The following MED27 variants were observed in gnomAD, a reference collection of about 807,000 sequenced individuals.
MED27 encodes the protein mediator complex subunit 27.
In MED27, 30 loss-of-function variants were observed where a neutral mutation model predicts 38.2. The observed-to-expected ratio is 0.79, with a 90% confidence interval of 0.59 to 1.07. The LOEUF is 1.07. MED27 is among the 50% of genes least tolerant of loss of function. The probability of loss-of-function intolerance (pLI) is 0.00; values close to 1 mark genes in which losing one functional copy is unlikely to be tolerated. For synonymous variants in MED27, 122 were observed against 153.5 expected (o/e 0.79, Z 1.52); for missense variants, 289 against 397.5 (o/e 0.73, Z 2.32).
At chr9:131,894,301 T>C (rs1829790787) in intron 4 of MED27, among the ~76,000 whole-genome samples, 2 of 152,248 alleles carry the variant, frequency 1.3e-5, no homozygotes, top group African/African-American at 4.8e-5. Context: ...CCCTTTCCCA[T>C]TTTAAGATTT....
intron 2 of MED27, among the ~76,000 whole-genome samples, chr9:132,053,728 C>T (rs1349853695): frequency 6.6e-6 from 1 of 152,130 alleles, no homozygotes; most frequent in Non-Finnish European, 1.5e-5. Flanking sequence ...CTCTGCTTCT[C>T]CTACTTTTCT....
intron 4 of MED27, among the ~76,000 whole-genome samples, chr9:131,929,272 A>G (rs942037816): frequency 2.6e-5 from 4 of 152,334 alleles, no homozygotes; most frequent in African/African-American, 9.6e-5. Flanking sequence ...GCTGGCTTCA[A>G]GTGAGATCCA....
chr9:131,887,042 C>T (rs1169248188), intron 5 of MED27, among the ~76,000 whole-genome samples: 1 of 152,162 alleles, frequency 6.6e-6, no homozygotes, highest in Non-Finnish European at 1.5e-5. Context: ...TCACTGTTTA[C>T]CCTTCCTGCC....
intron 3 of MED27, among the ~76,000 whole-genome samples, chr9:131,981,555 A>G (rs1203061573): frequency 6.6e-6 from 1 of 152,226 alleles, no homozygotes; most frequent in African/African-American, 2.4e-5. Context: ...TTCCCAGGAG[A>G]AGGGACTGCT....
intron 3 of MED27, among the ~76,000 whole-genome samples, chr9:131,989,485 T>A (rs577896672): frequency 6.6e-6 from 1 of 152,334 alleles, no homozygotes; most frequent in Non-Finnish European, 1.5e-5. Context: ...TTTTTAATTG[T>A]GGTAAAATAT....
At chr9:131,991,432 A>C (rs1831970289) in intron 3 of MED27, among the ~76,000 whole-genome samples, 1 of 152,226 alleles carries the variant, frequency 6.6e-6, no homozygotes, top group Non-Finnish European at 1.5e-5. Flanking sequence ...TTTAGCAATT[A>C]TCCCTGCCCA....
At chr9:132,078,205 A>T (rs1834097499) in intron 1 of MED27, among the ~76,000 whole-genome samples, 4 of 152,326 alleles carry the variant, frequency 2.6e-5, no homozygotes, top group Admixed American at 2.0e-4. Context: ...AGCACATTCC[A>T]GGAGTACGTT....
intron 2 of MED27, among the ~76,000 whole-genome samples, chr9:132,075,250 GT>G (rs1834019377): frequency 6.6e-6 from 1 of 152,174 alleles, no homozygotes; most frequent in African/African-American, 2.4e-5. Flanking sequence ...CCAAATTCTG[GT>G]CTAGCTTGGG....
intron 6 of MED27, among the ~76,000 whole-genome samples, chr9:131,864,308 C>A (rs1838699757): frequency 6.6e-6 from 1 of 151,984 alleles, no homozygotes; most frequent in Non-Finnish European, 1.5e-5. Flanking sequence ...AGAGCAAGAC[C>A]CCGCCTCTAT....
intron 5 of MED27, among the ~76,000 whole-genome samples, chr9:131,884,939 T>A (rs544120759): frequency 5.9e-5 from 9 of 152,356 alleles, no homozygotes; most frequent in African/African-American, 2.2e-4. Context: ...AAAGTTTTCA[T>A]AATATTTAAA....
chr9:131,876,222 T>G (rs1201418073), intron 6 of MED27, among the ~76,000 whole-genome samples: 1 of 152,206 alleles, frequency 6.6e-6, no homozygotes, highest in Non-Finnish European at 1.5e-5. Context: ...CTGAGTACAC[T>G]GCAGCCCGCA....
intron 3 of MED27, among the ~76,000 whole-genome samples, chr9:131,973,992 C>G (rs991304811): frequency 6.6e-6 from 1 of 151,972 alleles, no homozygotes; most frequent in African/African-American, 2.4e-5. Flanking sequence ...GGATTACAGG[C>G]GTGAGCCACC....
intron 2 of MED27, among the ~76,000 whole-genome samples, chr9:132,030,533 G>A (rs925248201): frequency 1.3e-5 from 2 of 152,200 alleles, no homozygotes; most frequent in South Asian, 2.1e-4. Context: ...ACTAGCATCC[G>A]ACGGATCTTC....
intron 4 of MED27, among the ~76,000 whole-genome samples, chr9:131,909,915 G>C (rs1830157107): frequency 6.6e-6 from 1 of 152,204 alleles, no homozygotes; most frequent in Admixed American, 6.5e-5. Flanking sequence ...AAAAACATAA[G>C]ATGTACTGAA....
At chr9:132,054,595 T>A (rs1833535660) in intron 2 of MED27, among the ~76,000 whole-genome samples, 1 of 152,066 alleles carries the variant, frequency 6.6e-6, no homozygotes, top group Non-Finnish European at 1.5e-5. Context: ...TTGTATTGTT[T>A]GTAGAGATGG....
intron 4 of MED27, among the ~76,000 whole-genome samples, chr9:131,936,520 C>T (rs940495727): frequency 6.6e-6 from 1 of 152,242 alleles, no homozygotes; most frequent in African/African-American, 2.4e-5. Flanking sequence ...CTGACTCCCC[C>T]ATCCTCTGGG....
chr9:131,987,699 G>A (rs574276400), intron 3 of MED27, among the ~76,000 whole-genome samples: 2 of 151,056 alleles, frequency 1.3e-5, no homozygotes, highest in South Asian at 2.1e-4. Flanking sequence ...TAGCTGTCAG[G>A]AGGACAATAT....
chr9:131,914,120 G>A (rs953295697), intron 4 of MED27, among the ~76,000 whole-genome samples: 1 of 152,240 alleles, frequency 6.6e-6, no homozygotes, highest in Non-Finnish European at 1.5e-5. Context: ...GCAGGGACCT[G>A]ACACTGACTT....
rs564459936 is a variant in MED27, at chr9:132,059,705, T to C, written c.348+17737A>G. Among the ~76,000 whole-genome samples, 12 of 152,350 alleles carry C rather than the reference T, an allele frequency of 7.9e-5. No homozygotes were observed. The South Asian group carries it at 2.3e-3, about 29-fold the overall frequency. On this transcript the variant is annotated intron_variant, in intron 2 of 7. Transcript: ENST00000292035. ...AAATAAATCCTCGGGAAAGCAGCCA[T>C]TAATGCGCCTTGCCCAAAACCCAGC...
Sources: allele counts gnomAD v4.1 joint callset (sites outside exome capture counted in the v4.1 genomes callset), GRCh38; gene constraint gnomAD v4.1.1; transcripts MANE v1.5; gene names NCBI Gene and HGNC (gene_info 2026-07-23, HGNC 2026-07-21).